The following PRXL2A variants were observed in gnomAD, a reference collection of about 807,000 sequenced individuals.
The protein encoded by PRXL2A is peroxiredoxin like 2A, also known as peroxiredoxin-like 2A.
A neutral mutation model predicts 25.6 loss-of-function variants in PRXL2A; 26 were observed. The observed-to-expected ratio is 1.02, with a 90% CI of 0.74 to 1.41. The LOEUF is 1.41. PRXL2A is among the 40% of genes most tolerant of loss of function. PRXL2A has a pLI of 0.00. For synonymous variants in PRXL2A, 98 were observed against 102.9 expected, an observed-to-expected ratio of 0.95 and a Z score of 0.29; for missense variants, 246 against 273.9, an observed-to-expected ratio of 0.90 and a Z score of 0.72.
At chr10:80,416,932 C>T (rs1282194672) in intron 1 of PRXL2A, among the ~76,000 whole-genome samples, 3 of 152,120 alleles carry the variant, frequency 2.0e-5, no homozygotes, top group African/African-American at 7.2e-5. Context: ...TCCCTCATGT[C>T]AGACTGTTGT....
intron 4 of PRXL2A, among the ~76,000 whole-genome samples, chr10:80,426,467 T>A (rs1371625169): frequency 2.0e-5 from 3 of 152,220 alleles, no homozygotes; most frequent in African/African-American, 7.2e-5. Context: ...AGGTTAGGTG[T>A]ATTAAATGCA....
intron 4 of PRXL2A, 144 bp downstream of exon 4, chr10:80,426,150 G>T (rs1845037710): frequency 5.4e-6 from 5 of 926,676 alleles, no homozygotes; most frequent in Non-Finnish European, 8.4e-6. Flanking sequence ...GCCTTTTTCA[G>T]CCCCCTGAGC....
At chr10:80,428,735 GC>G (rs2131910556) in intron 5 of PRXL2A, among the ~76,000 whole-genome samples, 1 of 143,456 alleles carries the variant, frequency 7.0e-6, no homozygotes, top group South Asian at 2.1e-4. Flanking sequence ...TGACTTCTAG[GC>G]CTGTCTCTGT....
intron 1 of PRXL2A, among the ~76,000 whole-genome samples, chr10:80,419,394 G>A (rs1844781150): frequency 7.0e-6 from 1 of 142,366 alleles, no homozygotes; most frequent in South Asian, 2.3e-4. Flanking sequence ...CGCAACCTCC[G>A]CCTCCCAGGT....
chr10:80,417,654 C>G (rs990253332), intron 1 of PRXL2A, among the ~76,000 whole-genome samples: 6 of 152,090 alleles, frequency 3.9e-5, no homozygotes, highest in Admixed American at 3.9e-4. Flanking sequence ...TTTTCCGCTT[C>G]CCAAGTATAT....
intron 1 of PRXL2A, among the ~76,000 whole-genome samples, chr10:80,412,743 G>C (rs550056269): frequency 1.1e-4 from 17 of 152,246 alleles, no homozygotes; most frequent in Admixed American, 1.0e-3. Context: ...GGGTCAGAGG[G>C]GGGCATCCCG....
intron 1 of PRXL2A, chr10:80,413,816 T>C: frequency 9.0e-7 from 1 of 1,114,198 alleles, no homozygotes; most frequent in Non-Finnish European, 1.1e-6. Context: ...CCCAGGCCCG[T>C]CTGCTCACCC....
At position 80,432,386 on chromosome 10, in the gene PRXL2A, A is replaced by C. The variant is rs1845293275; in HGVS notation, c.*287A>C. ...CTGGGTGCAGTGGCTCACACCTGTA[A>C]TCCCAGCACTTTGGGAGGCCAAGGT... is the stretch of plus-strand genomic sequence containing the variant. On this transcript the variant is annotated 3_prime_UTR_variant, in exon 6 of 6. Transcript: ENST00000606162. 2 of 272,616 alleles carry C rather than the reference A, an allele frequency of 7.3e-6. No individual in the cohort carries two copies. The highest frequency in any genetic ancestry group is 1.4e-5 in the Non-Finnish European group (2 of 147,830). 16.9% of individuals were successfully genotyped at this position (272,616 alleles called of 1,614,324 possible).
At chr10:80,427,704 C>A (rs1165358640) in intron 5 of PRXL2A, among the ~76,000 whole-genome samples, 1 of 152,196 alleles carries the variant, frequency 6.6e-6, no homozygotes, top group Non-Finnish European at 1.5e-5. Flanking sequence ...CTTGAATCTA[C>A]TCACTCATCA....
chr10:80,418,380 A>G (rs1011623917), intron 1 of PRXL2A, among the ~76,000 whole-genome samples: 1 of 152,044 alleles, frequency 6.6e-6, no homozygotes, highest in African/African-American at 2.4e-5. Flanking sequence ...TTTGTTTCTT[A>G]AATCTGAATT....
At chr10:80,423,861 A>G (rs1180147512) in intron 3 of PRXL2A, among the ~76,000 whole-genome samples, 1 of 152,182 alleles carries the variant, frequency 6.6e-6, no homozygotes, top group Non-Finnish European at 1.5e-5. Context: ...TCCAAAGCGG[A>G]ATCTGGTTGC....
intron 2 of PRXL2A, among the ~76,000 whole-genome samples, chr10:80,422,192 C>T (rs745511334): frequency 2.2e-4 from 34 of 152,002 alleles, no homozygotes; most frequent in Non-Finnish European, 1.3e-4. Flanking sequence ...AGGGACCTAC[C>T]GGGTATATAA....
intron 3 of PRXL2A, among the ~76,000 whole-genome samples, chr10:80,423,439 G>A (rs1373138344): frequency 6.6e-6 from 1 of 152,188 alleles, no homozygotes; most frequent in African/African-American, 2.4e-5. Context: ...AGACAACTTT[G>A]CATCTCAAGC....
At chr10:80,412,735 G>A (rs1484857479) in intron 1 of PRXL2A, among the ~76,000 whole-genome samples, 1 of 152,168 alleles carries the variant, frequency 6.6e-6, no homozygotes, top group Non-Finnish European at 1.5e-5. Flanking sequence ...GTTGGCCTGG[G>A]TCAGAGGGGG....
intron 3 of PRXL2A, 141 bp downstream of exon 3, chr10:80,422,649 C>CT (rs5786455): frequency 0.76 from 382,894 of 503,092 alleles, 148,906 homozygotes; most frequent in East Asian, 0.95. Flanking sequence ...CTAGGTATTT[C>CT]TTTGATTTGT....
At chr10:80,412,742 G>C (rs533030358) in intron 1 of PRXL2A, among the ~76,000 whole-genome samples, 1 of 152,280 alleles carries the variant, frequency 6.6e-6, no homozygotes, top group East Asian at 1.9e-4. Flanking sequence ...TGGGTCAGAG[G>C]GGGGCATCCC....
intron 1 of PRXL2A, among the ~76,000 whole-genome samples, chr10:80,409,766 A>G (rs1197755445): frequency 6.6e-6 from 1 of 152,154 alleles, no homozygotes; most frequent in Non-Finnish European, 1.5e-5. Context: ...AGAATTATAC[A>G]TCGTATTTAT....
rs1589558453 is a variant in PRXL2A, at chr10:80,422,358, G to A, written c.179-59G>A. 9.4e-6 allele frequency: 13 copies of A among 1,381,856 alleles called. No individual in the cohort carries two copies. The East Asian group carries it at 3.0e-4, about 32-fold the overall frequency. The allele number at this position is 1,381,856 out of a possible 1,614,324, so 85.6% of individuals were successfully genotyped here. A position where few individuals can be genotyped will look rare whatever the true frequency, so the allele number is the denominator to read the frequency against. On this transcript the variant is annotated intron_variant, in intron 2 of 5. Coordinates refer to ENST00000606162, the MANE Select transcript of PRXL2A (RefSeq NM_032333.5). ...CTGGACTTAGTGTGGTTCATGAGCTGCTTAGTGATTGGGGCTGGGCTGGGA... is the reference window on the plus strand; with the variant it reads ...CTGGACTTAGTGTGGTTCATGAGCTACTTAGTGATTGGGGCTGGGCTGGGA...
At chr10:80,429,877 T>A (rs1014669363) in intron 5 of PRXL2A, among the ~76,000 whole-genome samples, 2 of 152,160 alleles carry the variant, frequency 1.3e-5, no homozygotes, top group Non-Finnish European at 2.9e-5. Context: ...CAGCCTTTTC[T>A]TGCCTGGCGA....
Sources: allele counts gnomAD v4.1 joint callset (sites outside exome capture counted in the v4.1 genomes callset), GRCh38; gene constraint gnomAD v4.1.1; transcripts MANE v1.5; gene names NCBI Gene and HGNC (gene_info 2026-07-23, HGNC 2026-07-21).